Variants in YBEY observed in about 807,000 individuals in gnomAD.
The protein encoded by YBEY is endoribonuclease YbeY.
YBEY carries 15 observed loss-of-function variants against 13.5 expected under a neutral mutation model. That is an observed-to-expected ratio of 1.11 (90% CI 0.75 to 1.72). The LOEUF is 1.72. Among genes scored for constraint, YBEY ranks in the 40% most tolerant of loss-of-function variants. YBEY has a pLI of 0.00. For missense variants in YBEY, 244 were observed against 208.4 expected (o/e 1.17, Z -1.05); for synonymous variants, 101 against 83.1 (o/e 1.21, Z -1.17).
chr21:46,301,612 GATGAAATCTTT>G, downstream of YBEY: 1 of 1,023,664 alleles, frequency 9.8e-7, no homozygotes, highest in Non-Finnish European at 1.2e-6. Flanking sequence ...ACTCTTTCTG[GATGAAATCTTT>G]ATTTCATCAG....
the YBEY span, among the ~76,000 whole-genome samples, chr21:46,303,162 C>T: frequency 1.3e-5 from 2 of 151,038 alleles, no homozygotes; most frequent in African/African-American, 2.4e-5. Context: ...GAAACTCCGT[C>T]TCAAGAAAAA....
chr21:46,296,395 C>T (rs2081952950), intron 4 of YBEY, among the ~76,000 whole-genome samples, 165 bp downstream of exon 4: 1 of 152,108 alleles, frequency 6.6e-6, no homozygotes, highest in Non-Finnish European at 1.5e-5. Flanking sequence ...CACCGGGCTC[C>T]CCAAATACTT....
At chr21:46,291,831 G>C in intron 3 of YBEY, 1 of 1,071,992 alleles carries the variant, frequency 9.3e-7, no homozygotes, top group Non-Finnish European at 1.1e-6. Flanking sequence ...TTTCTCCTCA[G>C]TGTAATCCAC....
chr21:46,309,680 G>T, the YBEY span, among the ~76,000 whole-genome samples: 32 of 152,146 alleles, frequency 2.1e-4, no homozygotes, highest in Non-Finnish European at 1.5e-5. Context: ...AGTACATACT[G>T]TGTAGACCAT....
intron 4 of YBEY, among the ~76,000 whole-genome samples, chr21:46,296,761 G>A (rs751526708): frequency 7.2e-5 from 11 of 151,996 alleles, no homozygotes; most frequent in South Asian, 6.2e-4. Flanking sequence ...TTGGGAGGCC[G>A]AGGCAGGCGG....
the YBEY span, chr21:46,311,552 C>T: frequency 1.2e-6 from 2 of 1,609,912 alleles, no homozygotes; most frequent in African/African-American, 1.3e-5. Flanking sequence ...ATGATGGTGG[C>T]AGGAGGCTGG....
the YBEY span, among the ~76,000 whole-genome samples, chr21:46,307,953 G>A: frequency 6.6e-6 from 1 of 152,128 alleles, no homozygotes; most frequent in Non-Finnish European, 1.5e-5. Flanking sequence ...TTACTAGTGA[G>A]AATATTAAAT....
chr21:46,297,420 C>G, intron 4 of YBEY, 119 bp from the exon 5 acceptor site: 3 of 999,948 alleles, frequency 3.0e-6, no homozygotes, highest in Non-Finnish European at 3.9e-6. Flanking sequence ...TGAGCTAGAG[C>G]CGCGCGGGCG....
chr21:46,300,431 C>CAAA, downstream of YBEY: 1 of 199,962 alleles, frequency 5.0e-6, no homozygotes, highest in Non-Finnish European at 1.0e-5. Flanking sequence ...AACTCTGTCT[C>CAAA]AAAAAAAAAC....
downstream of YBEY, among the ~76,000 whole-genome samples, chr21:46,299,798 C>T (rs1252298005): frequency 2.6e-5 from 4 of 151,174 alleles, no homozygotes; most frequent in African/African-American, 9.8e-5. Flanking sequence ...AGCCCCCACT[C>T]CTAACTACCA....
the YBEY span, among the ~76,000 whole-genome samples, chr21:46,308,710 T>A: frequency 0.082 from 12,524 of 151,998 alleles, 664 homozygotes; most frequent in Admixed American, 0.12. Flanking sequence ...AATGTGGCAG[T>A]ATTGAGAGGT....
intron 2 of YBEY, among the ~76,000 whole-genome samples, chr21:46,287,358 T>G (rs541376814): frequency 4.3e-4 from 65 of 152,120 alleles, no homozygotes; most frequent in African/African-American, 1.5e-3. Context: ...CACGCCTGGC[T>G]AATTTTTTTT....
intron 2 of YBEY, 106 bp from the exon 3 acceptor site, chr21:46,291,228 C>T (rs1186195867): frequency 1.3e-5 from 16 of 1,217,718 alleles, no homozygotes; most frequent in Non-Finnish European, 1.8e-5. Flanking sequence ...TGATTTGGCT[C>T]AGAGATAAGT....
At chr21:46,310,603 G>C in the YBEY span, among the ~76,000 whole-genome samples, 32 of 151,860 alleles carry the variant, frequency 2.1e-4, no homozygotes, top group Non-Finnish European at 3.4e-4. Context: ...GAGGTTGGGA[G>C]TTCAAGACCA....
the YBEY span, chr21:46,311,596 G>T: frequency 7.2e-7 from 1 of 1,395,322 alleles, no homozygotes; most frequent in Non-Finnish European, 1.0e-6. Context: ...TTAGCTATCT[G>T]CATATGTCCT....
At chr21:46,297,486 GT>G in intron 4 of YBEY, 52 bp from the exon 5 acceptor site, 2 of 1,328,140 alleles carry the variant, frequency 1.5e-6, no homozygotes, top group Non-Finnish European at 1.9e-6. Flanking sequence ...ACCCCAGAGA[GT>G]GGGGCGCGGA....
the YBEY span, among the ~76,000 whole-genome samples, chr21:46,312,845 A>G: frequency 6.6e-6 from 1 of 152,218 alleles, no homozygotes; most frequent in Non-Finnish European, 1.5e-5. Flanking sequence ...TCTCTATCCC[A>G]GCCCCCATAA....
At chr21:46,300,294 G>C (rs1249307222), downstream of YBEY, 1 of 154,006 alleles carries the variant, frequency 6.5e-6, no homozygotes, top group Non-Finnish European at 1.4e-5. Context: ...AGCTGGGTGT[G>C]GTGGCGGGCA....
At chr21:46,290,210 C>CT (rs56397277) in intron 2 of YBEY, among the ~76,000 whole-genome samples, 87 of 148,538 alleles carry the variant, frequency 5.9e-4, no homozygotes, top group Admixed American at 9.4e-4. Context: ...TGACAAATTC[C>CT]TTTTTTTTTT....
Sources: gnomAD v4.1 joint callset for allele counts (sites outside exome capture counted in the v4.1 genomes callset) on GRCh38, gnomAD v4.1.1 for gene constraint, MANE v1.5 for transcripts, NCBI Gene and HGNC (gene_info 2026-07-23, HGNC 2026-07-21) for gene names.